The following ANKS1B variants were observed in gnomAD, a reference collection of about 807,000 sequenced individuals.
The protein encoded by ANKS1B is ankyrin repeat and sterile alpha motif domain-containing protein 1B.
Under a neutral mutation model 148.3 loss-of-function variants are expected in ANKS1B, and 36 were observed. The ratio of observed to expected loss-of-function variants is 0.24; its 90% confidence interval spans 0.19 to 0.32. The LOEUF (loss-of-function observed/expected upper bound fraction) is 0.32. Among genes scored for constraint, ANKS1B ranks in the 10% least tolerant of loss-of-function variants. ANKS1B has a pLI of 1.00. For missense variants in ANKS1B, 1,157 were observed against 1,542.6 expected (o/e 0.75, Z 4.19); for synonymous variants, 542 against 560.8 (o/e 0.97, Z 0.47).
intron 14 of ANKS1B, among the ~76,000 whole-genome samples, chr12:99,203,443 C>G (rs1475864826): frequency 6.6e-6 from 1 of 151,746 alleles, no homozygotes; most frequent in African/African-American, 2.4e-5. Flanking sequence ...CTGTTAAGAC[C>G]TGCTTCTTTC....
At chr12:99,735,791 A>G (rs1463893167) in intron 8 of ANKS1B, among the ~76,000 whole-genome samples, 2 of 147,338 alleles carry the variant, frequency 1.4e-5, no homozygotes. Flanking sequence ...TACTAAAGCC[A>G]GACAAGGACA....
At chr12:99,807,706 C>A (rs2067814964) in intron 3 of ANKS1B, among the ~76,000 whole-genome samples, 1 of 152,054 alleles carries the variant, frequency 6.6e-6, no homozygotes, top group African/African-American at 2.4e-5. Flanking sequence ...CTCCATTTTA[C>A]AGATGAGAAA....
intron 17 of ANKS1B, among the ~76,000 whole-genome samples, chr12:99,040,032 C>T (rs1308962121): frequency 6.6e-6 from 1 of 152,126 alleles, no homozygotes; most frequent in Non-Finnish European, 1.5e-5. Flanking sequence ...ATCTGTTTCT[C>T]TATTTTTGGG....
chr12:99,460,991 A>T (rs142755390), intron 10 of ANKS1B, among the ~76,000 whole-genome samples: 2 of 152,130 alleles, frequency 1.3e-5, no homozygotes, highest in East Asian at 3.9e-4. Context: ...ATATAGAACC[A>T]GCCCAAATGC....
At chr12:99,755,374 G>T (rs1456610308) in intron 8 of ANKS1B, among the ~76,000 whole-genome samples, 2 of 151,694 alleles carry the variant, frequency 1.3e-5, no homozygotes, top group Non-Finnish European at 2.9e-5. Flanking sequence ...ACCAGAAAAA[G>T]CCCAGGACCA....
intron 12 of ANKS1B, among the ~76,000 whole-genome samples, chr12:99,369,803 C>CGG (rs2093012559): frequency 7.2e-6 from 1 of 138,450 alleles, no homozygotes; most frequent in Non-Finnish European, 1.6e-5. Flanking sequence ...GACGGACGGA[C>CGG]AGACGGACGG....
intron 1 of ANKS1B, among the ~76,000 whole-genome samples, chr12:99,850,281 G>GTCTCTCACTC (rs57015094): frequency 8.8e-6 from 1 of 114,206 alleles, no homozygotes; most frequent in South Asian, 2.7e-4. Flanking sequence ...AAGCAAGAAA[G>GTCTCTCACTC]TCTCTCTCTC....
chr12:99,158,046 G>A (rs1187371104), intron 14 of ANKS1B, among the ~76,000 whole-genome samples: 31 of 151,990 alleles, frequency 2.0e-4, no homozygotes, highest in Non-Finnish European at 1.5e-5. Context: ...GCTGGGAGAG[G>A]ATGGGGTGAG....
intron 1 of ANKS1B, among the ~76,000 whole-genome samples, chr12:99,919,500 G>A (rs935525663): frequency 3.9e-5 from 6 of 152,006 alleles, no homozygotes; most frequent in African/African-American, 1.2e-4. Flanking sequence ...GAAATAAATT[G>A]GAAGCTTGCA....
intron 12 of ANKS1B, among the ~76,000 whole-genome samples, chr12:99,316,068 C>T (rs1424724390): frequency 6.6e-6 from 1 of 152,196 alleles, no homozygotes; most frequent in Non-Finnish European, 1.5e-5. Context: ...TTCAGTCTAT[C>T]ATTGATGGAC....
At chr12:99,462,295 C>T (rs970559634) in intron 10 of ANKS1B, among the ~76,000 whole-genome samples, 1 of 152,208 alleles carries the variant, frequency 6.6e-6, no homozygotes. Context: ...GTGCAAGCTG[C>T]TTTCAATGTC....
intron 16 of ANKS1B, among the ~76,000 whole-genome samples, chr12:99,070,783 G>T (rs10860387): frequency 2.0e-5 from 3 of 151,994 alleles, no homozygotes; most frequent in Non-Finnish European, 1.5e-5. Context: ...CTTAAGCAAA[G>T]CTCCTGAGTA....
chr12:99,008,728 GA>G (rs371006342), intron 17 of ANKS1B, among the ~76,000 whole-genome samples: 1 of 152,024 alleles, frequency 6.6e-6, no homozygotes, highest in Non-Finnish European at 1.5e-5. Flanking sequence ...AAATATAAAA[GA>G]AAAAAATTTT....
rs528866959 is a variant in ANKS1B at position 99,422,911 on chromosome 12, G to A, written c.1575+20762C>T. Among the ~76,000 whole-genome samples, 6 of 152,170 alleles carry A rather than the reference G, an allele frequency of 3.9e-5. No individual in the cohort carries two copies. The South Asian group carries it at 1.2e-3, about 31-fold the overall frequency. ...AATTTAGAGAATGTGTGAAAAGTTTGATGTTTAGAGAGGCAGAGGAATGCC... is the reference window on the plus strand; with the variant it reads ...AATTTAGAGAATGTGTGAAAAGTTTAATGTTTAGAGAGGCAGAGGAATGCC... On this transcript the variant is annotated intron_variant, in intron 11 of 26. Coordinates refer to ENST00000683438, the MANE Select transcript of ANKS1B (RefSeq NM_001352186.2).
chr12:99,510,783 T>C (rs779477421), intron 9 of ANKS1B, among the ~76,000 whole-genome samples: 4 of 152,014 alleles, frequency 2.6e-5, no homozygotes, highest in Non-Finnish European at 5.9e-5. Context: ...CAGCTTTGCA[T>C]GCTACAAAGA....
intron 12 of ANKS1B, among the ~76,000 whole-genome samples, chr12:99,321,321 G>A (rs2085226338): frequency 2.0e-5 from 3 of 152,230 alleles, no homozygotes; most frequent in Admixed American, 2.0e-4. Context: ...CACAGAGGCA[G>A]GCAGGCCACC....
At chr12:99,031,168 G>T (rs558086841) in intron 17 of ANKS1B, among the ~76,000 whole-genome samples, 1 of 152,200 alleles carries the variant, frequency 6.6e-6, no homozygotes, top group Non-Finnish European at 1.5e-5. Flanking sequence ...CACTTGATGG[G>T]GTTATAAGGA....
intron 9 of ANKS1B, among the ~76,000 whole-genome samples, chr12:99,535,500 A>T (rs1008666291): frequency 1.5e-4 from 23 of 152,220 alleles, no homozygotes; most frequent in African/African-American, 5.5e-4. Flanking sequence ...TTCCTAGCCC[A>T]AAAACTCAAA....
At chr12:99,375,757 A>C (rs1000861763) in intron 12 of ANKS1B, among the ~76,000 whole-genome samples, 13 of 152,356 alleles carry the variant, frequency 8.5e-5, no homozygotes, top group African/African-American at 3.1e-4. Flanking sequence ...AACTATTTTC[A>C]GAAAAATGAC....
Sources: allele counts gnomAD v4.1 joint callset (sites outside exome capture counted in the v4.1 genomes callset), GRCh38; gene constraint gnomAD v4.1.1; transcripts MANE v1.5; gene names NCBI Gene and HGNC (gene_info 2026-07-23, HGNC 2026-07-21).